The following HIVEP2 variants were observed in gnomAD, a reference collection of about 807,000 sequenced individuals.
The protein encoded by HIVEP2 is HIVEP zinc finger 2.
Under a neutral mutation model 180.7 loss-of-function variants are expected in HIVEP2, and 14 were observed. The ratio of observed to expected loss-of-function variants is 0.08; its 90% CI spans 0.05 to 0.12. The LOEUF is 0.12. Among genes scored for constraint, HIVEP2 ranks in the 10% least tolerant of loss-of-function variants. The pLI is 1.00. For synonymous variants in HIVEP2, 1,184 were observed against 1,136.4 expected (o/e 1.04, Z -0.84); for missense variants, 2,579 against 3,008.5 (o/e 0.86, Z 3.34).
chr6:142,752,272 C>T lies in HIVEP2; in HGVS notation c.*835G>A, dbSNP rs1774941649. 1 of 152,588 alleles carries T rather than the reference C, an allele frequency of 6.6e-6. No individual in the cohort carries two copies. The highest frequency in any genetic ancestry group is 1.5e-5 in the Non-Finnish European group (1 of 68,012). The allele number at this position is 152,588 out of a possible 1,614,324, so 9.5% of individuals were successfully genotyped here. Reference sequence around the variant, plus strand: ...CAACATGTTCACATAAGACCAAATACTTTTAATATTATTTATAACTGATTT... The same window carrying T: ...CAACATGTTCACATAAGACCAAATATTTTTAATATTATTTATAACTGATTT... On this transcript the variant is annotated 3_prime_UTR_variant, in exon 10 of 10. Coordinates refer to ENST00000367603, the MANE Select transcript of HIVEP2 (RefSeq NM_006734.4).
At chr6:142,813,235 A>G (rs1473232927) in intron 2 of HIVEP2, among the ~76,000 whole-genome samples, 2 of 152,164 alleles carry the variant, frequency 1.3e-5, no homozygotes, top group Non-Finnish European at 2.9e-5. Flanking sequence ...ATTATTTTTC[A>G]GTTACTATAG....
intron 2 of HIVEP2, among the ~76,000 whole-genome samples, chr6:142,785,752 T>C (rs1775983285): frequency 6.6e-6 from 1 of 152,340 alleles, no homozygotes; most frequent in Admixed American, 6.5e-5. Flanking sequence ...TTTGAAATTG[T>C]AGATTACAGA....
rs1247169004 is a variant in HIVEP2, at chr6:142,894,575, A to T, written c.-641+50524T>A. On this transcript the variant is annotated intron_variant, in intron 1 of 9. Coordinates refer to ENST00000367603, the MANE Select transcript of HIVEP2 (RefSeq NM_006734.4). ...TACATAATAATTTTTAAAAACTTTA[A>T]GGTACTTTTAACAGTGAACTTGACA... Among the ~76,000 whole-genome samples the T allele has an allele frequency of 2.6e-5, 4 of 152,356 alleles. No individual in the cohort carries two copies. In the East Asian group the frequency reaches 7.7e-4, roughly 29 times the overall value.
chr6:142,777,411 A>G (rs1775728978), intron 3 of HIVEP2, among the ~76,000 whole-genome samples: 1 of 152,118 alleles, frequency 6.6e-6, no homozygotes, highest in South Asian at 2.1e-4. Context: ...CAGTTGATCA[A>G]CAGAAAATTC....
At chr6:142,806,066 T>G (rs1156755811) in intron 2 of HIVEP2, among the ~76,000 whole-genome samples, 2 of 152,092 alleles carry the variant, frequency 1.3e-5, no homozygotes, top group Non-Finnish European at 2.9e-5. Context: ...TTTTAAAAAA[T>G]TTCATCATCA....
At chr6:142,937,325 A>G (rs1369541342) in intron 1 of HIVEP2, among the ~76,000 whole-genome samples, 1 of 152,218 alleles carries the variant, frequency 6.6e-6, no homozygotes, top group Non-Finnish European at 1.5e-5. Context: ...GAATTGTCCT[A>G]TGTTTTTCTT....
intron 2 of HIVEP2, among the ~76,000 whole-genome samples, chr6:142,820,742 A>C (rs1188743761): frequency 6.6e-6 from 1 of 152,078 alleles, no homozygotes; most frequent in Non-Finnish European, 1.5e-5. Flanking sequence ...CAAATAATGT[A>C]CTGTGCATGC....
chr6:142,884,212 T>C (rs1776643118), intron 1 of HIVEP2, among the ~76,000 whole-genome samples: 1 of 152,146 alleles, frequency 6.6e-6, no homozygotes, highest in Non-Finnish European at 1.5e-5. Flanking sequence ...ATGCATCTCA[T>C]AATTTGGTTC....
intron 1 of HIVEP2, among the ~76,000 whole-genome samples, chr6:142,904,405 G>A (rs1777211464): frequency 6.6e-6 from 1 of 152,112 alleles, no homozygotes; most frequent in Admixed American, 6.5e-5. Context: ...AAATTACATA[G>A]TTCCTTGTAA....
chr6:142,792,403 T>C (rs7758389), intron 2 of HIVEP2, among the ~76,000 whole-genome samples: 7 of 152,198 alleles, frequency 4.6e-5, no homozygotes, highest in African/African-American at 1.7e-4. Flanking sequence ...AATGAGTTCA[T>C]GTCCTTTGCA....
chr6:142,863,608 GAAATA>G (rs1776061634), intron 1 of HIVEP2, among the ~76,000 whole-genome samples: 1 of 152,116 alleles, frequency 6.6e-6, no homozygotes, highest in South Asian at 2.1e-4. Context: ...AAAGAAAGAG[GAAATA>G]AAATAAGTTT....
At chr6:142,818,791 A>AAGAAAGAG (rs1562249283) in intron 2 of HIVEP2, among the ~76,000 whole-genome samples, 3 of 140,054 alleles carry the variant, frequency 2.1e-5, no homozygotes, top group African/African-American at 2.6e-5. Flanking sequence ...GAAAGAAAGA[A>AAGAAAGAG]AAAGAAAAGA....
chr6:142,819,516 A>G (rs7763660), intron 2 of HIVEP2, among the ~76,000 whole-genome samples: 121,366 of 152,188 alleles, frequency 0.8, 48,984 homozygotes, highest in Non-Finnish European at 0.86. Flanking sequence ...CATTTCATAT[A>G]TAACAGGGAA....
Position 142,772,861 on chromosome 6 carries a change from C to A in HIVEP2, c.1878G>T (p.Lys626Asn), listed in dbSNP as rs988567274. The change falls in exon 5 of 10, where the codon AAG (lysine) becomes AAT (asparagine). Residue 626 changes from lysine to asparagine, a missense_variant. Transcript: ENST00000367603. This position sits in a 1 kb window ranked among gnomAD's most constrained non-coding sequence, Gnocchi z 4.9. ...KGISSSSLKE[K>N]KLSPGDRVGY... ...CAACCCTGTCCCCAGGAGACAATTT[C>A]TTTTCCTTCAGGGATGAACTGCTGA... is the stretch of plus-strand genomic sequence containing the variant. The A allele has an allele frequency of 3.1e-6, 5 of 1,614,204 alleles. No homozygotes were observed. The highest frequency in any genetic ancestry group is 2.2e-5 in the East Asian group (1 of 44,888).
At chr6:142,910,329 A>C (rs1198484492) in intron 1 of HIVEP2, among the ~76,000 whole-genome samples, 1 of 152,270 alleles carries the variant, frequency 6.6e-6, no homozygotes, top group African/African-American at 2.4e-5. Context: ...CAGGCCAGGC[A>C]TGGTGGCTTG....
In HIVEP2 at chr6:142,810,545, T is replaced by TGG. The variant is rs1776666816; in HGVS notation, c.-528+26389_-528+26390insCC. Among the ~76,000 whole-genome samples, 3 of 152,032 alleles carry TGG rather than the reference T, an allele frequency of 2.0e-5. No individual in the cohort carries two copies. In the South Asian group the frequency reaches 6.2e-4, roughly 32 times the overall value. On this transcript the variant is annotated intron_variant, in intron 2 of 9. Coordinates refer to ENST00000367603, the MANE Select transcript of HIVEP2 (RefSeq NM_006734.4). ...TGGGAGGCCAGGGGGGCAAATCACT[T>TGG]GAGGACAGGAGTTTGTGGTCAGTAT...
intron 2 of HIVEP2, among the ~76,000 whole-genome samples, chr6:142,814,244 A>C (rs1776775841): frequency 6.6e-6 from 1 of 152,226 alleles, no homozygotes; most frequent in South Asian, 2.1e-4. Context: ...GCACCAAAGC[A>C]TAAAGAAACC....
chr6:142,787,552 TC>T (rs1474013915), intron 2 of HIVEP2, among the ~76,000 whole-genome samples: 1 of 128,368 alleles, frequency 7.8e-6, no homozygotes, highest in African/African-American at 2.9e-5. Flanking sequence ...TGTAGAGGCA[TC>T]TTTTCCTCTC....
intron 2 of HIVEP2, 22 bp from the exon 3 acceptor site, chr6:142,783,637 T>C (rs2114695721): frequency 6.6e-6 from 1 of 152,276 alleles, no homozygotes; most frequent in African/African-American, 2.4e-5. Context: ...ATAAGAAGAT[T>C]TAAAAGATGA....
Sources: allele counts gnomAD v4.1 joint callset (sites outside exome capture counted in the v4.1 genomes callset), GRCh38; gene constraint gnomAD v4.1.1; non-coding constraint Gnocchi (gnomAD v3.1); transcripts MANE v1.5; gene names NCBI Gene and HGNC (gene_info 2026-07-23, HGNC 2026-07-21).